RANBP17: variants seen among roughly 807,000 people sequenced by gnomAD.
RANBP17 encodes RAN binding protein 17.
Under a neutral mutation model 141.2 loss-of-function variants are expected in RANBP17, and 158 were observed. The ratio of observed to expected loss-of-function variants is 1.12; its 90% CI spans 0.98 to 1.28. The LOEUF (loss-of-function observed/expected upper bound fraction) is 1.28. Ranked by LOEUF, RANBP17 falls within the 50% of genes most tolerant of loss-of-function variation. The pLI, the probability that RANBP17 is intolerant of heterozygous loss-of-function variation, is 0.00. For missense variants in RANBP17, 1,438 were observed against 1,290.7 expected, an observed-to-expected ratio of 1.11 and a Z score of -1.75; for synonymous variants, 430 against 450.0, an observed-to-expected ratio of 0.96 and a Z score of 0.56.
chr5:171,288,940 A>G (rs1430252853), intron 25 of RANBP17, among the ~76,000 whole-genome samples: 2 of 152,232 alleles, frequency 1.3e-5, no homozygotes, highest in Admixed American at 6.5e-5. Context: ...ATCCTTGCAA[A>G]TGAACAATGT....
intron 12 of RANBP17, among the ~76,000 whole-genome samples, chr5:170,935,279 T>C (rs1221246620): frequency 6.6e-6 from 1 of 151,988 alleles, no homozygotes; most frequent in East Asian, 1.9e-4. Context: ...AGTTCGTTAT[T>C]ACTGATCGTC....
chr5:171,293,894 C>T lies in RANBP17; in HGVS notation c.2955C>T (p.Val985=). The change falls in exon 26 of 28, where the codon GTC becomes GTT. Residue 985 remains valine (V), a synonymous_variant. Coordinates refer to ENST00000523189, the MANE Select transcript of RANBP17 (RefSeq NM_022897.5). ...NPDVLQQMMS[V]LMNTIVFEDC... ...ATTCTATCTTCTAGATGATGTCTGT[C>T]CTCATGAACACCATTGTCTTTGAAG... is the stretch of plus-strand genomic sequence containing the variant. 1 of 1,612,780 alleles carries T rather than the reference C, an allele frequency of 6.2e-7. No individual in the cohort carries two copies. Among genetic ancestry groups the T allele is most frequent in the Non-Finnish European group, 8.5e-7 (1 of 1,178,818 alleles).
rs567941213 is a variant in RANBP17 at position 171,029,399 on chromosome 5, C to T, written c.1710+61022C>T. 9.1e-4 allele frequency among the ~76,000 whole-genome samples: 138 copies of T among 152,194 alleles called. 1 individual carries two copies. The highest frequency in any genetic ancestry group is 3.2e-4 in the Non-Finnish European group (22 of 68,010). The stretch of plus-strand genomic sequence containing the variant: ...TTAAAATCAGCCTAGAATATATGAT[C>T]TTATACCTTCGTAATTTTAATAACG... On this transcript the variant is annotated intron_variant, in intron 14 of 27. Coordinates refer to ENST00000523189, the MANE Select transcript of RANBP17 (RefSeq NM_022897.5).
At chr5:171,261,108 G>GA (rs3085132) in intron 24 of RANBP17, among the ~76,000 whole-genome samples, 568 of 49,702 alleles carry the variant, frequency 0.011, 2 homozygotes, top group African/African-American at 0.026. Context: ...AAAACCAAAA[G>GA]AAAAAAAAAA....
At chr5:170,862,813 C>A (rs926291578) in intron 1 of RANBP17, among the ~76,000 whole-genome samples, 5 of 152,170 alleles carry the variant, frequency 3.3e-5, no homozygotes, top group African/African-American at 9.7e-5. Context: ...GTGGAAAGTT[C>A]TGGGGATAAA....
intron 19 of RANBP17, among the ~76,000 whole-genome samples, chr5:171,201,782 A>G (rs984129152): frequency 6.6e-6 from 1 of 152,266 alleles, no homozygotes; most frequent in Admixed American, 6.5e-5. Context: ...AAACTTTTGC[A>G]CTAAATGCTT....
chr5:170,907,585 TGA>T (rs1465267787), intron 5 of RANBP17, among the ~76,000 whole-genome samples: 1 of 151,978 alleles, frequency 6.6e-6, no homozygotes, highest in East Asian at 1.9e-4. Context: ...ATGGATATGA[TGA>T]GAGTGAGAAG....
intron 25 of RANBP17, among the ~76,000 whole-genome samples, chr5:171,268,550 A>G (rs1248563476): frequency 6.6e-6 from 1 of 150,906 alleles, no homozygotes; most frequent in East Asian, 2.0e-4. Flanking sequence ...CTCCCTCCCC[A>G]CCCCACCCAA....
In RANBP17 at chr5:171,265,952, C is replaced by G. The variant is rs533853138; in HGVS notation, c.2943+105C>G. 1.9e-4 allele frequency: 170 copies of G among 894,856 alleles called. 2 individuals carry two copies. In the South Asian group the frequency reaches 2.9e-3, roughly 15 times the overall value. 55.4% of individuals were successfully genotyped at this position (894,856 alleles called of 1,614,324 possible). The stretch of plus-strand genomic sequence containing the variant: ...GCTGGTCTTGCCAAGACTTTTTATA[C>G]TGGTAAAAAATATATATATATATTG... On this transcript the variant is annotated intron_variant, in intron 25 of 27. Transcript: ENST00000523189.
intron 14 of RANBP17, among the ~76,000 whole-genome samples, chr5:171,058,881 GT>G (rs1391823026): frequency 6.6e-6 from 1 of 150,402 alleles, no homozygotes; most frequent in East Asian, 1.9e-4. Flanking sequence ...GTATCTCATT[GT>G]GGTTTTGATT....
At chr5:171,248,366 C>CA (rs1217728868) in intron 24 of RANBP17, among the ~76,000 whole-genome samples, 5,377 of 60,010 alleles carry the variant, frequency 0.09, 169 homozygotes, top group East Asian at 0.21. Context: ...GACTCCATCT[C>CA]AAAAAAAAAA....
intron 5 of RANBP17, among the ~76,000 whole-genome samples, chr5:170,901,485 C>T (rs1581099951): frequency 6.6e-6 from 1 of 152,170 alleles, no homozygotes; most frequent in East Asian, 1.9e-4. Context: ...ATTTGCCAGT[C>T]TGTGTCTTTT....
At chr5:171,257,297 T>G (rs1206048086) in intron 24 of RANBP17, among the ~76,000 whole-genome samples, 1 of 152,126 alleles carries the variant, frequency 6.6e-6, no homozygotes, top group Non-Finnish European at 1.5e-5. Flanking sequence ...TCAACAAAAT[T>G]AAGGACAAAA....
chr5:171,045,268 G>A (rs377119870), intron 14 of RANBP17, among the ~76,000 whole-genome samples: 1 of 152,138 alleles, frequency 6.6e-6, no homozygotes, highest in East Asian at 1.9e-4. Context: ...TGTAAATAGA[G>A]AAGAAAAACC....
chr5:170,870,082 A>G (rs1326817042), intron 1 of RANBP17, among the ~76,000 whole-genome samples: 1 of 152,176 alleles, frequency 6.6e-6, no homozygotes, highest in Admixed American at 6.5e-5. Flanking sequence ...GGATCAGTTT[A>G]TTAATTATAC....
chr5:171,261,570 G>A (rs1766330797), intron 24 of RANBP17, among the ~76,000 whole-genome samples: 2 of 152,206 alleles, frequency 1.3e-5, no homozygotes, highest in Admixed American at 1.3e-4. Context: ...GTCTTAGTGA[G>A]CAGTAGGCTA....
At chr5:171,071,641 A>AATT in intron 14 of RANBP17, among the ~76,000 whole-genome samples, 1 of 135,456 alleles carries the variant, frequency 7.4e-6, no homozygotes, top group Non-Finnish European at 1.6e-5. Flanking sequence ...TGGAACAATG[A>AATT]ACAGCTTTAT....
chr5:170,981,737 A>G (rs934468875), intron 14 of RANBP17, among the ~76,000 whole-genome samples: 1 of 152,134 alleles, frequency 6.6e-6, no homozygotes, highest in Non-Finnish European at 1.5e-5. Flanking sequence ...CTAATACAGT[A>G]TGTTAGGAGA....
chr5:171,273,779 G>C (rs972105353), intron 25 of RANBP17, among the ~76,000 whole-genome samples: 6 of 152,176 alleles, frequency 3.9e-5, no homozygotes, highest in African/African-American at 1.4e-4. Context: ...AAACAGCACT[G>C]CTACAGTGAT....
Sources: allele counts gnomAD v4.1 joint callset (sites outside exome capture counted in the v4.1 genomes callset), GRCh38; gene constraint gnomAD v4.1.1; transcripts MANE v1.5; gene names NCBI Gene and HGNC (gene_info 2026-07-23, HGNC 2026-07-21).